GRID1: variants seen among roughly 807,000 people sequenced by gnomAD.
GRID1 encodes glutamate ionotropic receptor delta type subunit 1.
In GRID1, 28 loss-of-function variants were observed where a neutral mutation model predicts 98.0. The ratio of observed to expected loss-of-function variants is 0.29; its 90% CI spans 0.21 to 0.39. The LOEUF (loss-of-function observed/expected upper bound fraction) is 0.39, where lower values mean the gene tolerates loss of function less well. Ranked by LOEUF, GRID1 falls within the 10% of genes least tolerant of loss-of-function variation. The pLI is 1.00. For synonymous variants in GRID1, 553 were observed against 538.5 expected (o/e 1.03, Z -0.37); for missense variants, 1,111 against 1,340.5 (o/e 0.83, Z 2.67).
intron 3 of GRID1, among the ~76,000 whole-genome samples, chr10:86,151,213 G>A: frequency 6.6e-6 from 1 of 152,244 alleles, no homozygotes; most frequent in Non-Finnish European, 1.5e-5. Flanking sequence ...AAGGAGGCAG[G>A]TTTGCAAACC....
At chr10:86,083,003 A>G (rs1298188931) in intron 4 of GRID1, among the ~76,000 whole-genome samples, 2 of 152,142 alleles carry the variant, frequency 1.3e-5, no homozygotes, top group South Asian at 2.1e-4. Flanking sequence ...GAGTTTCTGG[A>G]GGATGAAAGA....
At chr10:85,773,630 AG>A (rs1209077469) in intron 8 of GRID1, among the ~76,000 whole-genome samples, 1 of 152,248 alleles carries the variant, frequency 6.6e-6, no homozygotes, top group Non-Finnish European at 1.5e-5. Context: ...GCAAAGTCTC[AG>A]GATACAAAAT....
intron 4 of GRID1, among the ~76,000 whole-genome samples, chr10:85,935,948 G>A (rs1359145041): frequency 6.6e-6 from 1 of 152,180 alleles, no homozygotes; most frequent in Non-Finnish European, 1.5e-5. Context: ...AAATATTTAT[G>A]AGGACCTACT....
intron 5 of GRID1, among the ~76,000 whole-genome samples, chr10:85,885,136 T>C (rs1057510140): frequency 1.3e-5 from 2 of 152,178 alleles, no homozygotes; most frequent in African/African-American, 2.4e-5. Context: ...TTGAATCAAA[T>C]AAATTAAGAA....
At chr10:85,721,644 TTTTA>T (rs1841703782) in intron 12 of GRID1, among the ~76,000 whole-genome samples, 1 of 152,070 alleles carries the variant, frequency 6.6e-6, no homozygotes, top group Non-Finnish European at 1.5e-5. Flanking sequence ...AATGACAAAA[TTTTA>T]GAGATGGAGT....
At chr10:86,263,301 G>A (rs960650960) in intron 2 of GRID1, among the ~76,000 whole-genome samples, 6 of 152,244 alleles carry the variant, frequency 3.9e-5, no homozygotes, top group African/African-American at 1.4e-4. Context: ...TTCGCGCCAC[G>A]GCGCGCAACG....
chr10:85,647,144 G>A, intron 13 of GRID1, 58 bp downstream of exon 13: 3 of 1,412,166 alleles, frequency 2.1e-6, no homozygotes, highest in Admixed American at 1.7e-5. Context: ...CCACCTGGGG[G>A]CTGACCACCC....
intron 3 of GRID1, among the ~76,000 whole-genome samples, chr10:86,182,984 A>G (rs1412144020): frequency 1.3e-5 from 2 of 152,210 alleles, no homozygotes; most frequent in African/African-American, 4.8e-5. Context: ...TTGAGGTAAT[A>G]ATGTGCAACA....
chr10:85,643,802 C>A, intron 13 of GRID1, among the ~76,000 whole-genome samples: 2 of 151,944 alleles, frequency 1.3e-5, no homozygotes, highest in South Asian at 4.2e-4. Flanking sequence ...AATGAAGGTA[C>A]CATAAAACTA....
intron 2 of GRID1, among the ~76,000 whole-genome samples, chr10:86,341,923 C>T (rs1848316628): frequency 1.3e-5 from 2 of 152,202 alleles, no homozygotes; most frequent in Non-Finnish European, 2.9e-5. Context: ...GCCAGAGTTT[C>T]CAAGCCCAGC....
In GRID1 at chr10:85,688,095, T is replaced by C. The variant is rs75467306; in HGVS notation, c.1997+34908A>G. On this transcript the variant is annotated intron_variant, in intron 12 of 15. Transcript: ENST00000327946. ...GGAAAATTCAAGTTTTCCAGGAAGA[T>C]GAAGTGAGTAAAGTATTCCAGGATA... 1.1e-4 allele frequency among the ~76,000 whole-genome samples: 16 copies of C among 152,232 alleles called. No individual in the cohort carries two copies. The East Asian group carries it at 2.3e-3, about 22-fold the overall frequency.
At chr10:85,978,447 T>C (rs552013679) in intron 4 of GRID1, among the ~76,000 whole-genome samples, 2 of 152,314 alleles carry the variant, frequency 1.3e-5, no homozygotes, top group South Asian at 2.1e-4. Flanking sequence ...GAAAAGTGAA[T>C]ACATTTGTAC....
At chr10:86,205,320 A>G (rs908401648) in intron 3 of GRID1, among the ~76,000 whole-genome samples, 1 of 152,210 alleles carries the variant, frequency 6.6e-6, no homozygotes, top group Non-Finnish European at 1.5e-5. Flanking sequence ...GCCAACCCTC[A>G]TCAGTCTCCC....
At chr10:85,837,787 A>T (rs1014462296) in intron 8 of GRID1, among the ~76,000 whole-genome samples, 1 of 152,228 alleles carries the variant, frequency 6.6e-6, no homozygotes, top group Non-Finnish European at 1.5e-5. Flanking sequence ...CTCTCCAGCA[A>T]GGGTTCAGAA....
rs570379824 is a variant in GRID1 at position 86,259,757 on chromosome 10, C to A, written c.236-53109G>T. On this transcript the variant is annotated intron_variant, in intron 2 of 15. Transcript: ENST00000327946. ...CAGCAGAAGGCAAAGGGAAGAGAGT[C>A]CAGTAAGGAAAGTGAACTGAGAGGA... Among the ~76,000 whole-genome samples, 11 of 152,288 alleles carry A rather than the reference C, an allele frequency of 7.2e-5. No homozygotes were observed. In the South Asian group the frequency reaches 2.3e-3, roughly 32 times the overall value.
At chr10:85,615,482 T>C (rs987974114) in intron 14 of GRID1, among the ~76,000 whole-genome samples, 2 of 152,194 alleles carry the variant, frequency 1.3e-5, no homozygotes, top group Non-Finnish European at 2.9e-5. Flanking sequence ...AATGTACTAA[T>C]GAGTAATGAA....
chr10:86,073,980 A>G (rs1843841842), intron 4 of GRID1, among the ~76,000 whole-genome samples: 1 of 136,508 alleles, frequency 7.3e-6, no homozygotes, highest in Non-Finnish European at 1.6e-5. Flanking sequence ...AATTCCCATT[A>G]TTCTGAGTAG....
chr10:85,756,022 CCA>C (rs1842094559), intron 8 of GRID1, among the ~76,000 whole-genome samples: 1 of 152,150 alleles, frequency 6.6e-6, no homozygotes, highest in Admixed American at 6.5e-5. Flanking sequence ...CAACCCCCAC[CCA>C]CATGCAATAG....
chr10:86,182,719 G>C (rs1004407555), intron 3 of GRID1, among the ~76,000 whole-genome samples: 4 of 152,198 alleles, frequency 2.6e-5, no homozygotes, highest in African/African-American at 9.7e-5. Flanking sequence ...TCGGGTCCCT[G>C]CTATAATATA....
Sources: gnomAD v4.1 joint callset for allele counts (sites outside exome capture counted in the v4.1 genomes callset) on GRCh38, gnomAD v4.1.1 for gene constraint, MANE v1.5 for transcripts, NCBI Gene and HGNC (gene_info 2026-07-23, HGNC 2026-07-21) for gene names.